RAB21: variants seen among roughly 807,000 people sequenced by gnomAD.
RAB21 encodes RAB21, member RAS oncogene family.
Under a neutral mutation model 33.1 loss-of-function variants are expected in RAB21, and 13 were observed. The ratio of observed to expected loss-of-function variants is 0.39; its 90% CI spans 0.26 to 0.62. The LOEUF is 0.62. Ranked by LOEUF, RAB21 falls within the 20% of genes least tolerant of loss-of-function variation. The pLI, the probability that RAB21 is intolerant of heterozygous loss-of-function variation, is 0.48. For synonymous variants in RAB21, 91 were observed against 103.7 expected (o/e 0.88, Z 0.74); for missense variants, 234 against 279.1 (o/e 0.84, Z 1.15).
intron 3 of RAB21, among the ~76,000 whole-genome samples, chr12:71,772,209 C>T (rs1047281796): frequency 3.3e-5 from 5 of 152,210 alleles, no homozygotes; most frequent in Admixed American, 3.3e-4. Context: ...AGTTCTCCAT[C>T]TGGCCTCTCA....
chr12:71,771,508 C>T (rs1883042041), intron 3 of RAB21, among the ~76,000 whole-genome samples: 1 of 152,020 alleles, frequency 6.6e-6, no homozygotes. Context: ...AGCAGATATA[C>T]AAGTTAGCCC....
intron 4 of RAB21, among the ~76,000 whole-genome samples, chr12:71,779,645 A>G (rs1053901105): frequency 2.0e-5 from 3 of 152,194 alleles, no homozygotes; most frequent in Non-Finnish European, 4.4e-5. Flanking sequence ...TGCCCCTTCT[A>G]TGTTCTTAAT....
intron 1 of RAB21, among the ~76,000 whole-genome samples, chr12:71,764,319 AAGAACC>A (rs1278519477): frequency 2.0e-5 from 3 of 152,340 alleles, no homozygotes; most frequent in Admixed American, 6.5e-5. Context: ...TGTAAGAATT[AAGAACC>A]ACTGCTCCAG....
At chr12:71,756,478 T>G (rs570355803) in intron 1 of RAB21, among the ~76,000 whole-genome samples, 21 of 152,344 alleles carry the variant, frequency 1.4e-4, no homozygotes, top group African/African-American at 5.1e-4. Context: ...GTTGTGACAT[T>G]GGATGTTTGA....
intron 4 of RAB21, among the ~76,000 whole-genome samples, chr12:71,777,090 T>A (rs141985641): frequency 2.8e-4 from 43 of 152,328 alleles, no homozygotes; most frequent in Non-Finnish European, 5.7e-4. Context: ...TCATTATATG[T>A]ACAGAAAAGT....
chr12:71,769,447 T>C (rs1257252500), intron 1 of RAB21, among the ~76,000 whole-genome samples: 2 of 152,184 alleles, frequency 1.3e-5, no homozygotes, highest in East Asian at 3.8e-4. Flanking sequence ...AGTAAACATT[T>C]ATTTTATCTT....
chr12:71,793,079 T>C lies in RAB21; in HGVS notation c.*7406T>C, dbSNP rs1883410782. Reference sequence around the variant, plus strand: ...TAAGTGATCCTCTAACCCAAATTGCTTTTCCAAATTTTGTGGTAGCAGTGA... The same window carrying C: ...TAAGTGATCCTCTAACCCAAATTGCCTTTCCAAATTTTGTGGTAGCAGTGA... On this transcript the variant is annotated 3_prime_UTR_variant, in exon 7 of 7. Coordinates refer to ENST00000261263, the MANE Select transcript of RAB21 (RefSeq NM_014999.4). The C allele has an allele frequency of 1.3e-5, 2 of 152,374 alleles. No individual in the cohort carries two copies. The highest frequency in any genetic ancestry group is 2.9e-5 in the Non-Finnish European group (2 of 68,042). 9.4% of individuals were successfully genotyped at this position (152,374 alleles called of 1,614,324 possible). A position where few individuals can be genotyped will look rare whatever the true frequency, so the allele number is the denominator to read the frequency against.
intron 1 of RAB21, among the ~76,000 whole-genome samples, chr12:71,765,986 G>A (rs539755372): frequency 5.9e-5 from 9 of 152,000 alleles, no homozygotes; most frequent in South Asian, 2.1e-4. Context: ...GATGATTTAC[G>A]AAACAGAATC....
At chr12:71,772,406 G>A (rs1182033001) in intron 3 of RAB21, among the ~76,000 whole-genome samples, 2 of 152,166 alleles carry the variant, frequency 1.3e-5, no homozygotes, top group African/African-American at 4.8e-5. Context: ...GTCAAAGCAG[G>A]TTACAAGGCC....
intron 1 of RAB21, among the ~76,000 whole-genome samples, chr12:71,762,397 C>T (rs962239953): frequency 6.6e-5 from 10 of 152,094 alleles, no homozygotes; most frequent in Admixed American, 2.6e-4. Flanking sequence ...GCTCCGCCTC[C>T]CAGGTTCACG....
intron 4 of RAB21, among the ~76,000 whole-genome samples, chr12:71,777,972 A>G (rs897081816): frequency 2.0e-5 from 3 of 152,226 alleles, no homozygotes; most frequent in African/African-American, 7.2e-5. Flanking sequence ...ATAGTTATCT[A>G]AAATCTCAAG....
rs369714985 is a variant in RAB21 at position 71,785,900 on chromosome 12, G to GT, written c.*236dup. 44,258 of 340,738 alleles carry GT rather than the reference G, an allele frequency of 0.13. 3,250 individuals are homozygous for GT. Among genetic ancestry groups the GT allele is most frequent in the East Asian group, 0.28 (3,661 of 13,002 alleles). The allele number at this position is 340,738 out of a possible 1,614,324, so 21.1% of individuals were successfully genotyped here. ...AAATGTTTTTTTTTGTTTTTTTTTT[G>GT]TTTTTTTTTGTTTTTTTTTGAGACG... On this transcript the variant is annotated 3_prime_UTR_variant, in exon 7 of 7. Coordinates refer to ENST00000261263, the MANE Select transcript of RAB21 (RefSeq NM_014999.4).
At chr12:71,773,586 A>G (rs75333042) in intron 3 of RAB21, among the ~76,000 whole-genome samples, 5,781 of 152,214 alleles carry the variant, frequency 0.038, 370 homozygotes, top group African/African-American at 0.13. Context: ...AGGGTATAAA[A>G]GACTGTTTTA....
intron 2 of RAB21, among the ~76,000 whole-genome samples, chr12:71,770,233 C>T (rs966830196): frequency 1.3e-5 from 2 of 152,132 alleles, no homozygotes; most frequent in Non-Finnish European, 2.9e-5. Context: ...TTCCCTGTCT[C>T]TCCCAGTGTG....
intron 1 of RAB21, among the ~76,000 whole-genome samples, chr12:71,762,693 C>T (rs1272661315): frequency 6.6e-6 from 1 of 152,072 alleles, no homozygotes; most frequent in Non-Finnish European, 1.5e-5. Context: ...AGCAATTCTC[C>T]TGCCTCAGCC....
chr12:71,785,505 T>C, intron 6 of RAB21, 26 bp from the exon 7 acceptor site: 1 of 1,611,164 alleles, frequency 6.2e-7, no homozygotes, highest in Non-Finnish European at 8.5e-7. Flanking sequence ...GTGGTCCTAA[T>C]AATGTTTGCT....
chr12:71,767,839 C>A (rs1466499879), intron 1 of RAB21, among the ~76,000 whole-genome samples: 3 of 152,158 alleles, frequency 2.0e-5, no homozygotes, highest in African/African-American at 7.2e-5. Context: ...ATTGACCTAT[C>A]CATTAAATAT....
In RAB21 at chr12:71,758,628, G is replaced by A. The variant is rs1048660042; in HGVS notation, c.159+3340G>A. ...TCCAAGTAGCTGGGACCACAGGCGT[G>A]CGCCACCATGCTCGGCTAATTTTTT... On this transcript the variant is annotated intron_variant, in intron 1 of 6. Coordinates refer to ENST00000261263, the MANE Select transcript of RAB21 (RefSeq NM_014999.4). Among the ~76,000 whole-genome samples, 6 of 144,888 alleles carry A rather than the reference G, an allele frequency of 4.1e-5. No individual in the cohort carries two copies. In the Admixed American group the frequency reaches 4.3e-4, roughly 10 times the overall value.
In RAB21 at chr12:71,799,727, T is replaced by G. The variant is rs1281157023; in HGVS notation, c.*14054T>G. The G allele has an allele frequency of 6.6e-6, 1 of 152,182 alleles. No individual in the cohort carries two copies. Among genetic ancestry groups the G allele is most frequent in the East Asian group, 1.9e-4 (1 of 5,200 alleles). The allele number at this position is 152,182 out of a possible 1,614,324, so 9.4% of individuals were successfully genotyped here. ...AGGGCAGAACAGTCTGTATACTGTATATTTTAAAATTGAACAAGTATAGTA... is the reference window on the plus strand; with the variant it reads ...AGGGCAGAACAGTCTGTATACTGTAGATTTTAAAATTGAACAAGTATAGTA... On this transcript the variant is annotated 3_prime_UTR_variant, in exon 7 of 7. Transcript: ENST00000261263.
Sources: allele counts gnomAD v4.1 joint callset (sites outside exome capture counted in the v4.1 genomes callset), GRCh38; gene constraint gnomAD v4.1.1; transcripts MANE v1.5; gene names NCBI Gene and HGNC (gene_info 2026-07-23, HGNC 2026-07-21).